Variants in LRRC37A2 observed in about 807,000 individuals in gnomAD.
The protein encoded by LRRC37A2 is leucine rich repeat containing 37 member A2.
In LRRC37A2, 9 loss-of-function variants were observed where a neutral mutation model predicts 68.8. That is an observed-to-expected ratio of 0.13 (90% CI 0.08 to 0.23). The LOEUF is 0.23. LRRC37A2 is among the 10% of genes least tolerant of loss of function. The pLI is 1.00. For missense variants in LRRC37A2, 168 were observed against 950.4 expected (o/e 0.18, Z 10.82); for synonymous variants, 63 against 367.6 (o/e 0.17, Z 9.48).
the LRRC37A2 span, among the ~76,000 whole-genome samples, chr17:47,008,315 G>GT: frequency 6.6e-6 from 1 of 151,822 alleles, no homozygotes; most frequent in Admixed American, 6.6e-5. Flanking sequence ...GTTTCACCGT[G>GT]TTAGCCAGGA....
the LRRC37A2 span, among the ~76,000 whole-genome samples, chr17:46,896,752 G>A: frequency 3.3e-5 from 5 of 152,148 alleles, no homozygotes; most frequent in Non-Finnish European, 7.3e-5. Flanking sequence ...TATGATGTCC[G>A]TCCCACCACA....
At chr17:46,752,045 C>T in the LRRC37A2 span, among the ~76,000 whole-genome samples, 2 of 152,180 alleles carry the variant, frequency 1.3e-5, no homozygotes, top group South Asian at 2.1e-4. Flanking sequence ...ATATACCAAA[C>T]GGTGTCTGGG....
At chr17:46,996,096 C>T in the LRRC37A2 span, among the ~76,000 whole-genome samples, 5 of 152,280 alleles carry the variant, frequency 3.3e-5, no homozygotes, top group Admixed American at 3.3e-4. Context: ...CCACTCCCTG[C>T]TTCCCACTTA....
At chr17:46,753,275 C>G in the LRRC37A2 span, among the ~76,000 whole-genome samples, 1 of 152,218 alleles carries the variant, frequency 6.6e-6, no homozygotes, top group Non-Finnish European at 1.5e-5. Context: ...GGTGAAGTTT[C>G]TGTTTCACAG....
chr17:46,748,189 T>G, the LRRC37A2 span, among the ~76,000 whole-genome samples: 1 of 152,134 alleles, frequency 6.6e-6, no homozygotes, highest in Non-Finnish European at 1.5e-5. Context: ...CTCGGCTCAC[T>G]GCAACTTCTG....
chr17:46,883,057 C>A, the LRRC37A2 span, among the ~76,000 whole-genome samples: 4 of 152,080 alleles, frequency 2.6e-5, no homozygotes, highest in African/African-American at 4.8e-5. Flanking sequence ...CTGCTCACTG[C>A]AAGCTCCGCC....
chr17:46,729,739 C>T, the LRRC37A2 span, among the ~76,000 whole-genome samples: 1 of 152,078 alleles, frequency 6.6e-6, no homozygotes. Context: ...GAGATAGAAA[C>T]TAATCTGTAA....
At chr17:46,952,965 G>C in the LRRC37A2 span, 2 of 152,048 alleles carry the variant, frequency 1.3e-5, no homozygotes, top group African/African-American at 4.8e-5. Context: ...TCGATGCAAA[G>C]CTGGCACACA....
At chr17:46,811,692 C>G in the LRRC37A2 span, among the ~76,000 whole-genome samples, 1 of 152,212 alleles carries the variant, frequency 6.6e-6, no homozygotes, top group African/African-American at 2.4e-5. Context: ...CGGTGGCTCA[C>G]GCCTATAATC....
At chr17:46,830,194 C>T in the LRRC37A2 span, among the ~76,000 whole-genome samples, 3 of 152,148 alleles carry the variant, frequency 2.0e-5, no homozygotes, top group East Asian at 5.8e-4. Context: ...AGCCTCCCCA[C>T]CCCCACACCC....
the LRRC37A2 span, among the ~76,000 whole-genome samples, chr17:46,730,639 C>T: frequency 6.6e-6 from 1 of 152,128 alleles, no homozygotes; most frequent in African/African-American, 2.4e-5. Flanking sequence ...CTTATACGTA[C>T]ATGCTTCACA....
the LRRC37A2 span, among the ~76,000 whole-genome samples, chr17:46,806,332 C>A: frequency 6.6e-6 from 1 of 151,886 alleles, no homozygotes; most frequent in Admixed American, 6.6e-5. Context: ...TTCTCAGCCT[C>A]CCCAGTAGCT....
chr17:46,799,019 G>C, the LRRC37A2 span, among the ~76,000 whole-genome samples: 1 of 139,792 alleles, frequency 7.2e-6, no homozygotes, highest in Non-Finnish European at 1.5e-5. Context: ...CTGTACTCCA[G>C]CCTGGTGACA....
the LRRC37A2 span, among the ~76,000 whole-genome samples, chr17:46,957,336 A>G: frequency 3.9e-5 from 6 of 152,128 alleles, no homozygotes; most frequent in Non-Finnish European, 5.9e-5. Context: ...ACCCAGGCTA[A>G]GCGCTGTGGC....
the LRRC37A2 span, among the ~76,000 whole-genome samples, chr17:46,868,393 A>G: frequency 1.3e-5 from 2 of 152,030 alleles, no homozygotes; most frequent in African/African-American, 4.8e-5. Context: ...GGAGTTCAAG[A>G]CCAGCCTAGC....
chr17:46,896,392 GAGAAAGAAAGAAAGAA>G, the LRRC37A2 span, among the ~76,000 whole-genome samples: 9 of 88,856 alleles, frequency 1.0e-4, no homozygotes, highest in South Asian at 8.7e-4. Context: ...AAGAAAGAAA[GAGAAAGAAAGAAAGAA>G]AGAAAGAAAG....
chr17:46,902,158 G>T, the LRRC37A2 span, among the ~76,000 whole-genome samples: 1 of 152,174 alleles, frequency 6.6e-6, no homozygotes, highest in Non-Finnish European at 1.5e-5. Flanking sequence ...TTGACCCAAT[G>T]AGGTGAGCAG....
chr17:46,872,525 G>A, the LRRC37A2 span: 1 of 1,542,158 alleles, frequency 6.5e-7, no homozygotes, highest in Non-Finnish European at 8.8e-7. Context: ...AGCCTGACCG[G>A]GCGGGAAGTC....
chr17:47,022,983 C>T, the LRRC37A2 span, among the ~76,000 whole-genome samples: 1 of 152,092 alleles, frequency 6.6e-6, no homozygotes, highest in Admixed American at 6.5e-5. Flanking sequence ...ATTTTAATTG[C>T]CTTCAAAAAT....
Sources: gnomAD v4.1 joint callset for allele counts (sites outside exome capture counted in the v4.1 genomes callset) on GRCh38, gnomAD v4.1.1 for gene constraint, MANE v1.5 for transcripts, NCBI Gene and HGNC (gene_info 2026-07-23, HGNC 2026-07-21) for gene names.